Variants in CELF3 observed in about 807,000 individuals in gnomAD.
CELF3 encodes CUGBP Elav-like family member 3.
A neutral mutation model predicts 59.6 loss-of-function variants in CELF3; 26 were observed. The ratio of observed to expected loss-of-function variants is 0.44; its 90% CI spans 0.32 to 0.61. The LOEUF (loss-of-function observed/expected upper bound fraction) is 0.61, where lower values mean the gene tolerates loss of function less well. Among genes scored for constraint, CELF3 ranks in the 20% least tolerant of loss-of-function variants. The pLI is 0.06. For synonymous variants in CELF3, 245 were observed against 250.7 expected, an observed-to-expected ratio of 0.98 and a Z score of 0.22; for missense variants, 387 against 627.2, an observed-to-expected ratio of 0.62 and a Z score of 4.09.
chr1:151,709,530 G>T lies in CELF3; in HGVS notation c.278-182C>A. 1.0e-6 allele frequency: 1 copy of T among 972,206 alleles called. No individual in the cohort carries two copies. The highest frequency in any genetic ancestry group is 1.6e-6 in the Non-Finnish European group (1 of 640,494). The allele number at this position is 972,206 out of a possible 1,614,324, so 60.2% of individuals were successfully genotyped here. On this transcript the variant is annotated intron_variant, in intron 3 of 12. Coordinates refer to ENST00000290583, the MANE Select transcript of CELF3 (RefSeq NM_007185.7). This position sits in a 1 kb window ranked among gnomAD's most constrained non-coding sequence, Gnocchi z 4.9. The stretch of plus-strand genomic sequence containing the variant: ...CAGAGGGTGCTCATCCCAGCTCTGA[G>T]GGACTCGCACTCCACCCTGGGCCTC...
chr1:151,709,307 T>C lies in CELF3; in HGVS notation c.319A>G (p.Thr107Ala), dbSNP rs2101458302. The C allele has an allele frequency of 1.2e-6, 2 of 1,614,070 alleles. No individual in the cohort carries two copies. The highest frequency in any genetic ancestry group is 4.5e-5 in the East Asian group (2 of 44,882). The change falls in exon 4 of 13, where the codon ACA (threonine) becomes GCA (alanine). Residue 107 changes from threonine to alanine, a missense_variant. By Grantham distance (58) the Thr-to-Ala change is moderately conservative. Around this residue, in one of 3 missense-constraint regions of CELF3, gnomAD observed 208 missense variants for 354.8 expected, o/e 0.59. Transcript: ENST00000290583. The surrounding 1 kb of genome is among the most constrained non-coding windows in gnomAD (Gnocchi z 4.9). The stretch of plus-strand genomic sequence containing the variant: ...AACATCTTCCGGACGTCCTCATCTG[T>C]CTGCTGCTTCCCTAGCATCCCCACA... Reference protein sequence around the residue: ...LFVGMLGKQQTDEDVRKMFEP... With the variant: ...LFVGMLGKQQADEDVRKMFEP...
chr1:151,707,402 C>A lies in CELF3; in HGVS notation c.772+105G>T. On this transcript the variant is annotated intron_variant, in intron 7 of 12. Transcript: ENST00000290583. The stretch of plus-strand genomic sequence containing the variant: ...GAGGGGAGGAAGCAGGCCTCTCTGA[C>A]CCCTGAGTCCCTCCCAGACCCCGAG... 6 of 1,541,510 alleles carry A rather than the reference C, an allele frequency of 3.9e-6. No homozygotes were observed. The Admixed American group carries it at 5.9e-5, about 15-fold the overall frequency.
chr1:151,711,154 G>T (rs1453191140), intron 2 of CELF3: 2 of 297,096 alleles, frequency 6.7e-6, no homozygotes, highest in Non-Finnish European at 1.3e-5. Context: ...CAAGCCACTA[G>T]TCCCCTCTGG....
chr1:151,715,118 G>C (rs878775), intron 1 of CELF3, among the ~76,000 whole-genome samples: 55,165 of 151,688 alleles, frequency 0.36, 12,686 homozygotes, highest in Non-Finnish European at 0.53. Flanking sequence ...GGTGGAGGAC[G>C]GAGAGTGAAA....
At chr1:151,706,149 G>C in intron 10 of CELF3, 75 bp downstream of exon 10, 3 of 1,609,260 alleles carry the variant, frequency 1.9e-6, no homozygotes, top group Non-Finnish European at 2.5e-6. Flanking sequence ...CAAGAGCTGG[G>C]CTCAGCGCGG....
In CELF3 at chr1:151,709,156, G is replaced by T; in HGVS notation, c.406+64C>A. The T allele has an allele frequency of 5.0e-6, 8 of 1,606,694 alleles. No homozygotes were observed. The highest frequency in any genetic ancestry group is 6.8e-6 in the Non-Finnish European group (8 of 1,174,144). On this transcript the variant is annotated intron_variant, in intron 4 of 12. Transcript: ENST00000290583. This position sits in a 1 kb window ranked among gnomAD's most constrained non-coding sequence, Gnocchi z 4.9. ...CCCGCGGTGGAACCCGATGCCTAGG[G>T]AGTCTTGGGGGTGGAACAGGAAGGG... is the stretch of plus-strand genomic sequence containing the variant.
Position 151,709,920 on chromosome 1 carries a change from G to C in CELF3, c.229-129C>G, listed in dbSNP as rs1463504609. The C allele has an allele frequency of 3.5e-6, 3 of 847,556 alleles. No individual in the cohort carries two copies. The highest frequency in any genetic ancestry group is 4.1e-6 in the Non-Finnish European group (2 of 486,034). 52.5% of individuals were successfully genotyped at this position (847,556 alleles called of 1,614,324 possible). On this transcript the variant is annotated intron_variant, in intron 2 of 12. Transcript: ENST00000290583. This position sits in a 1 kb window ranked among gnomAD's most constrained non-coding sequence, Gnocchi z 4.9. Reference sequence around the variant, plus strand: ...CCTCTAAGTTTCTGATGGGAAGGAAGGGACAGGGCCTAATACTGTTCAGGA... The same window carrying C: ...CCTCTAAGTTTCTGATGGGAAGGAACGGACAGGGCCTAATACTGTTCAGGA...
intron 1 of CELF3, chr1:151,715,568 C>T: frequency 7.4e-7 from 1 of 1,350,338 alleles, no homozygotes; most frequent in Non-Finnish European, 9.8e-7. Flanking sequence ...CCCAAACCAG[C>T]TCTCTTGTCC....
In CELF3 at chr1:151,702,449, TTAAAAG is replaced by T. The variant is rs1672148381; in HGVS notation, c.*1004_*1009del. ...TATTTAGACAGAAAAGACCAACTCTTTAAAAGTAAAATGCAATAAATAAATAAGTTA... is the reference window on the plus strand; with the variant it reads ...TATTTAGACAGAAAAGACCAACTCTTTAAAATGCAATAAATAAATAAGTTA... On this transcript the variant is annotated 3_prime_UTR_variant, in exon 13 of 13. Transcript: ENST00000290583. 1 of 152,078 alleles carries T rather than the reference TTAAAAG, an allele frequency of 6.6e-6. No individual in the cohort carries two copies. Among genetic ancestry groups the T allele is most frequent in the Non-Finnish European group, 1.5e-5 (1 of 68,026 alleles). 9.4% of individuals were successfully genotyped at this position (152,078 alleles called of 1,614,324 possible). A position where few individuals can be genotyped will look rare whatever the true frequency, so the allele number is the denominator to read the frequency against.
At chr1:151,715,523 C>T in intron 1 of CELF3, 2 of 696,866 alleles carry the variant, frequency 2.9e-6, no homozygotes, top group Non-Finnish European at 4.3e-6. Flanking sequence ...GCTGCACACG[C>T]ACACACACAC....
chr1:151,710,706 G>T (rs545304039), intron 2 of CELF3: 6 of 456,336 alleles, frequency 1.3e-5, no homozygotes, highest in Non-Finnish European at 2.6e-5. Flanking sequence ...CCTGTGCACG[G>T]AAGTCCTCCA....
Position 151,706,695 on chromosome 1 carries a change from G to A in CELF3, c.962C>T (p.Ala321Val), listed in dbSNP as rs896773972. The A allele has an allele frequency of 1.3e-6, 2 of 1,551,280 alleles. No homozygotes were observed. The highest frequency in any genetic ancestry group is 1.7e-6 in the Non-Finnish European group (2 of 1,146,892). Residue 321 changes from alanine to valine, a missense_variant, in exon 9 of 13, where the codon GCC (alanine) becomes GTC (valine). Transcript: ENST00000290583. The part of the protein sequence containing the change: ...PAAPVDPLQQ[A>V]YAGMQHYTAA... ...TGTGTAGTGCTGCATCCCCGCGTAG[G>A]CCTGCTGCAGGGGGTCCACGGGGGC...
At position 151,709,407 on chromosome 1, in the gene CELF3, C is replaced by T. The variant is rs1429716020; in HGVS notation, c.278-59G>A. On this transcript the variant is annotated intron_variant, in intron 3 of 12. Transcript: ENST00000290583. This position sits in a 1 kb window ranked among gnomAD's most constrained non-coding sequence, Gnocchi z 4.9. ...AGGGCCTCCTGGCTGCCTTCCCAGC[C>T]CTTCTTCCGCCCTTCCCTGGAGCTC... is the stretch of plus-strand genomic sequence containing the variant. 6 of 1,608,766 alleles carry T rather than the reference C, an allele frequency of 3.7e-6. No homozygotes were observed. The highest frequency in any genetic ancestry group is 1.3e-5 in the African/African-American group (1 of 74,842).
At chr1:151,703,759 A>G (rs746171878) in intron 12 of CELF3, among the ~76,000 whole-genome samples, 7 of 151,932 alleles carry the variant, frequency 4.6e-5, no homozygotes, top group Non-Finnish European at 1.0e-4. Flanking sequence ...GACAACAGAC[A>G]GGCAGGCAGA....
chr1:151,705,895 C>T lies in CELF3; in HGVS notation c.1197G>A (p.Met399Ile), dbSNP rs1672476269. The T allele has an allele frequency of 6.2e-7, 1 of 1,614,152 alleles. No homozygotes were observed. The highest frequency in any genetic ancestry group is 1.1e-5 in the South Asian group (1 of 91,080). ...QEFTDSEILQ[M>I]FVPFGHVISA... The stretch of plus-strand genomic sequence containing the variant: ...AGATGACGTGGCCAAAGGGGACAAA[C>T]ATCTGGAGGATCTCTGAGTCAGTGA... The change falls in exon 11 of 13, where the codon ATG (methionine) becomes ATA (isoleucine). Residue 399 changes from methionine (M) to isoleucine (I), a missense_variant. Met to Ile is a conservative substitution (Grantham distance 10, BLOSUM62 1). Around this residue, in one of 3 missense-constraint regions of CELF3, gnomAD observed 48 missense variants for 118.8 expected, o/e 0.40. Coordinates refer to ENST00000290583, the MANE Select transcript of CELF3 (RefSeq NM_007185.7). This position sits in a 1 kb window ranked among gnomAD's most constrained non-coding sequence, Gnocchi z 5.1.
chr1:151,709,655 CCCT>C lies in CELF3; in HGVS notation c.277+85_277+87del. 1 of 1,303,216 alleles carries C rather than the reference CCCT, an allele frequency of 7.7e-7. No individual in the cohort carries two copies. Among genetic ancestry groups the C allele is most frequent in the Non-Finnish European group, 1.1e-6 (1 of 897,014 alleles). The allele number at this position is 1,303,216 out of a possible 1,614,324, so 80.7% of individuals were successfully genotyped here. On this transcript the variant is annotated intron_variant, in intron 3 of 12. Coordinates refer to ENST00000290583, the MANE Select transcript of CELF3 (RefSeq NM_007185.7). This position sits in a 1 kb window ranked among gnomAD's most constrained non-coding sequence, Gnocchi z 4.9. The stretch of plus-strand genomic sequence containing the variant: ...ACTCTTCAGAATCATCAGGCTTTCT[CCCT>C]CAAGAAAGGCTACCCCTCGACAACT...
rs755965974 is a variant in CELF3 at position 151,707,978 on chromosome 1, G to T, written c.487-43C>A. On this transcript the variant is annotated intron_variant, in intron 5 of 12. Coordinates refer to ENST00000290583, the MANE Select transcript of CELF3 (RefSeq NM_007185.7). ...CACAGGTCAGAGGTGCAGGGTCAGGGTCTCTCCTCCCCAAAGCCCTCAGGA... is the reference window on the plus strand; with the variant it reads ...CACAGGTCAGAGGTGCAGGGTCAGGTTCTCTCCTCCCCAAAGCCCTCAGGA... 34 of 1,572,318 alleles carry T rather than the reference G, an allele frequency of 2.2e-5. No individual in the cohort carries two copies. The South Asian group carries it at 3.5e-4, about 16-fold the overall frequency.
Position 151,715,522 on chromosome 1 carries a change from G to GCA in CELF3, c.145+352_145+353dup, listed in dbSNP as rs141638568. 1.3e-3 allele frequency: 1,027 copies of GCA among 800,156 alleles called. 2 individuals carry two copies. Among genetic ancestry groups the GCA allele is most frequent in the African/African-American group, 7.0e-3 (393 of 56,294 alleles). The allele number at this position is 800,156 out of a possible 1,614,324, so 49.6% of individuals were successfully genotyped here. A position where few individuals can be genotyped will look rare whatever the true frequency, so the allele number is the denominator to read the frequency against. ...TCAGATTCTCAGTCTTGCTGCACAC[G>GCA]CACACACACACACACCCCTACCCAG... On this transcript the variant is annotated intron_variant, in intron 1 of 12. Transcript: ENST00000290583.
At chr1:151,712,797 C>A (rs1217338830) in intron 2 of CELF3, among the ~76,000 whole-genome samples, 17 of 152,068 alleles carry the variant, frequency 1.1e-4, no homozygotes, top group Admixed American at 9.8e-4. Flanking sequence ...GGAGAGGGGG[C>A]TAAATGTCTG....
Sources: allele counts gnomAD v4.1 joint callset (sites outside exome capture counted in the v4.1 genomes callset), GRCh38; gene constraint gnomAD v4.1.1; regional missense constraint gnomAD v4.1.1; non-coding constraint Gnocchi (gnomAD v3.1); transcripts MANE v1.5; gene names NCBI Gene and HGNC (gene_info 2026-07-23, HGNC 2026-07-21).